HOMER1: variants seen among roughly 807,000 people sequenced by gnomAD.
HOMER1 encodes the protein homer protein homolog 1.
HOMER1 carries 3 observed loss-of-function variants against 48.9 expected under a neutral mutation model. That is an observed-to-expected ratio of 0.06 (90% CI 0.03 to 0.16). The LOEUF (loss-of-function observed/expected upper bound fraction) is 0.16, where lower values mean the gene tolerates loss of function less well. Ranked by LOEUF, HOMER1 falls within the 10% of genes least tolerant of loss-of-function variation. The pLI, the probability that HOMER1 is intolerant of heterozygous loss-of-function variation, is 1.00. For synonymous variants in HOMER1, 134 were observed against 146.4 expected, an observed-to-expected ratio of 0.92 and a Z score of 0.61; for missense variants, 247 against 411.4, an observed-to-expected ratio of 0.60 and a Z score of 3.46.
At chr5:79,424,318 A>G (rs987349118) in intron 5 of HOMER1, among the ~76,000 whole-genome samples, 1 of 151,984 alleles carries the variant, frequency 6.6e-6, no homozygotes, top group Non-Finnish European at 1.5e-5. Context: ...ATCTCAACTA[A>G]ATAAAGGGGG....
chr5:79,418,694 A>G lies in HOMER1; in HGVS notation c.528-16639T>C, dbSNP rs367883663. On this transcript the variant is annotated intron_variant, in intron 5 of 8. Coordinates refer to ENST00000334082, the MANE Select transcript of HOMER1 (RefSeq NM_004272.5). Reference sequence around the variant, plus strand: ...TATGAATTAACTAACACAGGCTATTAAATTCAGATGCTGTAATGGATGGGT... The same window carrying G: ...TATGAATTAACTAACACAGGCTATTGAATTCAGATGCTGTAATGGATGGGT... Among the ~76,000 whole-genome samples, 20 of 152,322 alleles carry G rather than the reference A, an allele frequency of 1.3e-4. No homozygotes were observed. In the East Asian group the frequency reaches 2.3e-3, roughly 18 times the overall value.
At chr5:79,432,132 C>T (rs1031375581) in intron 5 of HOMER1, among the ~76,000 whole-genome samples, 1 of 152,226 alleles carries the variant, frequency 6.6e-6, no homozygotes. Flanking sequence ...TAGGTTTACA[C>T]CTTGATCTTG....
intron 5 of HOMER1, among the ~76,000 whole-genome samples, chr5:79,410,262 C>T (rs1749780799): frequency 1.3e-5 from 2 of 151,816 alleles, no homozygotes; most frequent in Middle Eastern, 3.2e-3. Context: ...GAGGCCGAGG[C>T]GGGCGAACCA....
rs77977728 is a variant in HOMER1, at chr5:79,483,496, T to TAA, written c.6-26480_6-26479dup. Among the ~76,000 whole-genome samples, 313 of 144,148 alleles carry TAA rather than the reference T, an allele frequency of 2.2e-3. 1 individual carries two copies. Among genetic ancestry groups the TAA allele is most frequent in the African/African-American group, 7.1e-3 (283 of 39,880 alleles). The allele number at this position is 144,148 out of a possible 152,430, so 94.6% of individuals were successfully genotyped here. ...GGTTTATGTTATGTGAATTTTACCT[T>TAA]AAAAAAAAAAAACTCTTAAAAACAG... is the stretch of plus-strand genomic sequence containing the variant. On this transcript the variant is annotated intron_variant, in intron 1 of 8. Coordinates refer to ENST00000334082, the MANE Select transcript of HOMER1 (RefSeq NM_004272.5).
chr5:79,385,038 G>C (rs1229634175), intron 8 of HOMER1, among the ~76,000 whole-genome samples: 3 of 152,112 alleles, frequency 2.0e-5, no homozygotes, highest in African/African-American at 4.8e-5. Context: ...ACATCATAGT[G>C]AATGAGGAAA....
In HOMER1 at chr5:79,512,847, T is replaced by C; in HGVS notation, c.-73A>G. The stretch of plus-strand genomic sequence containing the variant: ...AATAACTTCCAAAGGAATTTCTCCG[T>C]CTGCTATTTCGCAGTTGCTTTTCCA... On this transcript the variant is annotated 5_prime_UTR_variant, in exon 1 of 9. Coordinates refer to ENST00000334082, the MANE Select transcript of HOMER1 (RefSeq NM_004272.5). 1 of 1,512,292 alleles carries C rather than the reference T, an allele frequency of 6.6e-7. No individual in the cohort carries two copies. Among genetic ancestry groups the C allele is most frequent in the South Asian group, 1.1e-5 (1 of 88,624 alleles). The allele number at this position is 1,512,292 out of a possible 1,614,324, so 93.7% of individuals were successfully genotyped here.
At chr5:79,464,321 G>A (rs1435140202) in intron 1 of HOMER1, among the ~76,000 whole-genome samples, 1 of 152,092 alleles carries the variant, frequency 6.6e-6, no homozygotes, top group Non-Finnish European at 1.5e-5. Context: ...CATCCCCCTT[G>A]ATTTGAAGTA....
At chr5:79,452,687 A>G (rs957663785) in intron 2 of HOMER1, among the ~76,000 whole-genome samples, 2 of 142,314 alleles carry the variant, frequency 1.4e-5, no homozygotes, top group Non-Finnish European at 3.0e-5. Flanking sequence ...CTGTCCTACT[A>G]AAAAAAAAAC....
rs536327032 is a variant in HOMER1, at chr5:79,414,791, T to G, written c.528-12736A>C. On this transcript the variant is annotated intron_variant, in intron 5 of 8. Transcript: ENST00000334082. ...AATCTCCCAGGTTTTACCTTCCATCTCAGACTCCTTCTCTGCCTAACATCC... is the reference window on the plus strand; with the variant it reads ...AATCTCCCAGGTTTTACCTTCCATCGCAGACTCCTTCTCTGCCTAACATCC... Among the ~76,000 whole-genome samples, 6 of 152,256 alleles carry G rather than the reference T, an allele frequency of 3.9e-5. No homozygotes were observed. In the South Asian group the frequency reaches 1.2e-3, roughly 32 times the overall value.
chr5:79,419,403 T>C (rs536569380), intron 5 of HOMER1, among the ~76,000 whole-genome samples: 1 of 152,278 alleles, frequency 6.6e-6, no homozygotes, highest in South Asian at 2.1e-4. Flanking sequence ...CAGAAAACCA[T>C]CCCAAATGAC....
At position 79,395,687 on chromosome 5, in the gene HOMER1, C is replaced by T. The variant is rs573551912; in HGVS notation, c.876+1136G>A. The stretch of plus-strand genomic sequence containing the variant: ...AGGGGTTTAAAGCCCATGTCTTTGA[C>T]TACTAAAATAATGTATTTTGACCAT... On this transcript the variant is annotated intron_variant, in intron 8 of 8. Transcript: ENST00000334082. Among the ~76,000 whole-genome samples the T allele has an allele frequency of 7.5e-4, 114 of 152,240 alleles. 1 individual carries two copies. The highest frequency in any genetic ancestry group is 7.7e-4 in the East Asian group (4 of 5,186).
At chr5:79,451,336 C>G (rs1188128409) in intron 2 of HOMER1, among the ~76,000 whole-genome samples, 2 of 152,040 alleles carry the variant, frequency 1.3e-5, no homozygotes, top group Admixed American at 6.6e-5. Flanking sequence ...TCAAAAATTT[C>G]AACATTTTAC....
At chr5:79,453,801 G>GGC (rs1299901534) in intron 2 of HOMER1, among the ~76,000 whole-genome samples, 2 of 151,998 alleles carry the variant, frequency 1.3e-5, no homozygotes, top group Non-Finnish European at 2.9e-5. Flanking sequence ...TTCTAGGCAG[G>GGC]GCACCTAAGG....
At chr5:79,419,142 T>TA (rs1750029276) in intron 5 of HOMER1, among the ~76,000 whole-genome samples, 1 of 152,142 alleles carries the variant, frequency 6.6e-6, no homozygotes, top group South Asian at 2.1e-4. Context: ...ATGGAAATAA[T>TA]AGACATCTAT....
rs113336789 is a variant in HOMER1, at chr5:79,496,280, A to G, written c.5+16490T>C. On this transcript the variant is annotated intron_variant, in intron 1 of 8. Transcript: ENST00000334082. ...TCCCACCCCTTCCCACAGTCAATCA[A>G]CTACCTTTTCCAATAGCAGAAGACA... Among the ~76,000 whole-genome samples the G allele has an allele frequency of 1.8e-3, 267 of 152,304 alleles. 2 individuals are homozygous for G. Among genetic ancestry groups the G allele is most frequent in the African/African-American group, 6.1e-3 (253 of 41,544 alleles).
intron 5 of HOMER1, among the ~76,000 whole-genome samples, chr5:79,427,570 G>A (rs1011598499): frequency 2.0e-5 from 3 of 152,110 alleles, no homozygotes; most frequent in African/African-American, 7.2e-5. Context: ...TGTATTTTTG[G>A]TAGAGACGGG....
chr5:79,402,142 T>C, intron 5 of HOMER1, 87 bp from the exon 6 acceptor site: 1 of 1,105,782 alleles, frequency 9.0e-7, no homozygotes, highest in Admixed American at 2.7e-5. Flanking sequence ...TATTGTAGGG[T>C]TTATAGTCTA....
chr5:79,412,283 T>C (rs1352244414), intron 5 of HOMER1, among the ~76,000 whole-genome samples: 31 of 152,192 alleles, frequency 2.0e-4, no homozygotes, highest in Non-Finnish European at 5.9e-5. Flanking sequence ...CCTCACTTCC[T>C]ATTCCAGAAC....
At chr5:79,497,511 A>T (rs1752460060) in intron 1 of HOMER1, among the ~76,000 whole-genome samples, 1 of 151,810 alleles carries the variant, frequency 6.6e-6, no homozygotes, top group Non-Finnish European at 1.5e-5. Context: ...ATAAATAAAT[A>T]AATAATTAGC....
Sources: gnomAD v4.1 joint callset for allele counts (sites outside exome capture counted in the v4.1 genomes callset) on GRCh38, gnomAD v4.1.1 for gene constraint, MANE v1.5 for transcripts, NCBI Gene and HGNC (gene_info 2026-07-23, HGNC 2026-07-21) for gene names.